Variants in ERLEC1 observed in about 807,000 individuals in gnomAD.
ERLEC1 encodes ER lectin.
ERLEC1 carries 47 observed loss-of-function variants against 68.0 expected under a neutral mutation model. That is an observed-to-expected ratio of 0.69 (90% CI 0.55 to 0.88). The LOEUF is 0.88. Ranked by LOEUF, ERLEC1 falls within the 40% of genes least tolerant of loss-of-function variation. ERLEC1 has a pLI of 0.00. For synonymous variants in ERLEC1, 225 were observed against 203.2 expected (o/e 1.11, Z -0.91); for missense variants, 567 against 583.8 (o/e 0.97, Z 0.30).
intron 3 of ERLEC1, 97 bp downstream of exon 3, chr2:53,796,110 G>GTT: frequency 1.2e-4 from 73 of 634,116 alleles, no homozygotes; most frequent in East Asian, 1.4e-4. Context: ...GTTGTGTCAG[G>GTT]TTTTTTTTTT....
chr2:53,787,375 C>T lies in ERLEC1; in HGVS notation c.162+3C>T, dbSNP rs1675102645. On this transcript the variant is annotated splice_donor_region_variant and intron_variant, in intron 1 of 13. Transcript: ENST00000185150. ...GGCCCGGCACCGAGTTCTCTCTGGT[C>T]AGTGCCCTCACTAACCCCGCAGCCA... 2 of 1,607,856 alleles carry T rather than the reference C, an allele frequency of 1.2e-6. No individual in the cohort carries two copies. Among genetic ancestry groups the T allele is most frequent in the African/African-American group, 1.3e-5 (1 of 74,984 alleles).
At chr2:53,800,134 T>C (rs1414779981) in intron 6 of ERLEC1, among the ~76,000 whole-genome samples, 1 of 152,178 alleles carries the variant, frequency 6.6e-6, no homozygotes, top group Non-Finnish European at 1.5e-5. Context: ...TACGTGATTT[T>C]ATCATTGTGC....
At chr2:53,808,765 A>C (rs1178079681) in intron 9 of ERLEC1, among the ~76,000 whole-genome samples, 1 of 152,192 alleles carries the variant, frequency 6.6e-6, no homozygotes, top group African/African-American at 2.4e-5. Flanking sequence ...GTTATGTAGC[A>C]ATCACATTTC....
chr2:53,802,685 C>G (rs1412692067), intron 8 of ERLEC1, among the ~76,000 whole-genome samples: 1 of 152,112 alleles, frequency 6.6e-6, no homozygotes, highest in African/African-American at 2.4e-5. Flanking sequence ...CTGATTTCAG[C>G]CTCATCTTTC....
At chr2:53,791,422 A>G (rs1051921440) in intron 1 of ERLEC1, among the ~76,000 whole-genome samples, 4 of 152,154 alleles carry the variant, frequency 2.6e-5, no homozygotes, top group African/African-American at 9.7e-5. Context: ...AATTTATTAT[A>G]TTTTGTTTTC....
At chr2:53,806,910 T>A (rs1488595818) in intron 8 of ERLEC1, among the ~76,000 whole-genome samples, 3 of 152,206 alleles carry the variant, frequency 2.0e-5, no homozygotes, top group African/African-American at 7.2e-5. Context: ...TTTTAACCTC[T>A]TTAATAATAA....
chr2:53,809,105 A>G (rs1676453043), intron 9 of ERLEC1, 109 bp from the exon 10 acceptor site: 2 of 746,830 alleles, frequency 2.7e-6, no homozygotes, highest in Non-Finnish European at 4.5e-6. Flanking sequence ...CAACCATACT[A>G]TTGCTTTTAC....
intron 8 of ERLEC1, among the ~76,000 whole-genome samples, chr2:53,804,335 G>A (rs565468102): frequency 1.4e-4 from 22 of 151,868 alleles, no homozygotes; most frequent in Admixed American, 2.0e-4. Context: ...TCACTGTGGC[G>A]CAATCTTGGC....
Position 53,801,396 on chromosome 2 carries a change from G to T in ERLEC1, c.526-1G>T. On this transcript the variant is annotated splice_acceptor_variant, in intron 6 of 13. Coordinates refer to ENST00000185150, the MANE Select transcript of ERLEC1 (RefSeq NM_015701.5). LOFTEE classifies it high-confidence loss of function. Reference sequence around the variant, plus strand: ...TCTGTCTTATACTCTTTTTTTTTAAGATTCCCACTAAAAATATCGAAGGTC... The same window carrying T: ...TCTGTCTTATACTCTTTTTTTTTAATATTCCCACTAAAAATATCGAAGGTC... The T allele has an allele frequency of 6.2e-7, 1 of 1,605,348 alleles. No individual in the cohort carries two copies. Among genetic ancestry groups the T allele is most frequent in the Non-Finnish European group, 8.5e-7 (1 of 1,175,734 alleles).
chr2:53,801,161 T>G (rs927285399), intron 6 of ERLEC1, among the ~76,000 whole-genome samples: 8 of 152,192 alleles, frequency 5.3e-5, no homozygotes, highest in African/African-American at 1.9e-4. Flanking sequence ...ATGTTAATTT[T>G]GGCACTAAAT....
intron 1 of ERLEC1, among the ~76,000 whole-genome samples, chr2:53,791,303 G>C (rs1398205817): frequency 1.3e-5 from 2 of 152,074 alleles, no homozygotes; most frequent in African/African-American, 4.8e-5. Flanking sequence ...GACTTTGTCA[G>C]ATCTCTAATA....
chr2:53,798,505 C>G (rs544948560), intron 5 of ERLEC1, among the ~76,000 whole-genome samples: 1 of 152,032 alleles, frequency 6.6e-6, no homozygotes, highest in East Asian at 2.0e-4. Context: ...GGCGATCCCC[C>G]TACCCAAACC....
chr2:53,787,122 GCC>G lies in ERLEC1; in HGVS notation c.-88_-87del. 53 of 1,359,708 alleles carry G rather than the reference GCC, an allele frequency of 3.9e-5. No individual in the cohort carries two copies. Among genetic ancestry groups the G allele is most frequent in the Non-Finnish European group, 4.3e-5 (45 of 1,042,370 alleles). The allele number at this position is 1,359,708 out of a possible 1,614,324, so 84.2% of individuals were successfully genotyped here. A position where few individuals can be genotyped will look rare whatever the true frequency, so the allele number is the denominator to read the frequency against. ...TGATACCCGGGCGCTTTATAGTCCC[GCC>G]GCCTCCTCCTCCACCTCCTCCTCCT... On this transcript the variant is annotated 5_prime_UTR_variant, in exon 1 of 14. Transcript: ENST00000185150.
intron 10 of ERLEC1, among the ~76,000 whole-genome samples, chr2:53,812,293 C>T (rs1676632698): frequency 6.6e-6 from 1 of 151,452 alleles, no homozygotes; most frequent in South Asian, 2.1e-4. Context: ...AAGAAAGAAA[C>T]CAAAGGAATG....
At chr2:53,798,631 T>G (rs979515103) in intron 5 of ERLEC1, among the ~76,000 whole-genome samples, 4 of 151,702 alleles carry the variant, frequency 2.6e-5, no homozygotes, top group Admixed American at 2.0e-4. Flanking sequence ...GTGAAAACAA[T>G]GCCAGGTGCA....
At position 53,787,166 on chromosome 2, in the gene ERLEC1, A is replaced by G. The variant is rs10181752; in HGVS notation, c.-45A>G. Reference sequence around the variant, plus strand: ...CCTCCTCCTCCTCCTCTCCTCCTGGAGCAGAGGAGGTTGTGGCGGTGGCTG... The same window carrying G: ...CCTCCTCCTCCTCCTCTCCTCCTGGGGCAGAGGAGGTTGTGGCGGTGGCTG... On this transcript the variant is annotated 5_prime_UTR_variant, in exon 1 of 14. Transcript: ENST00000185150. 194,152 of 1,386,884 alleles carry G rather than the reference A, an allele frequency of 0.14. 13,223 individuals are homozygous for G. The highest frequency in any genetic ancestry group is 0.28 in the African/African-American group (19,333 of 70,104). The allele number at this position is 1,386,884 out of a possible 1,614,324, so 85.9% of individuals were successfully genotyped here. A position where few individuals can be genotyped will look rare whatever the true frequency, so the allele number is the denominator to read the frequency against.
chr2:53,790,121 T>G (rs1188949797), intron 1 of ERLEC1, among the ~76,000 whole-genome samples: 1 of 150,832 alleles, frequency 6.6e-6, no homozygotes, highest in Non-Finnish European at 1.5e-5. Flanking sequence ...TGTGACAGAG[T>G]CTCGCTCTGT....
chr2:53,813,050 A>G lies in ERLEC1; in HGVS notation c.1203A>G (p.Gln401=), dbSNP rs1271185813. 2.5e-6 allele frequency: 4 copies of G among 1,612,368 alleles called. No individual in the cohort carries two copies. The highest frequency in any genetic ancestry group is 3.4e-6 in the Non-Finnish European group (4 of 1,179,740). ...ATACTGCTAGAGCTTATCATCTTCA[A>G]GACGATGGTACCCAGACAGTCAGGT... ...KKNTARAYHL[Q]DDGTQTVRMV... Residue 401 remains glutamine (Q), a synonymous_variant, in exon 11 of 14, where the codon CAA becomes CAG. Coordinates refer to ENST00000185150, the MANE Select transcript of ERLEC1 (RefSeq NM_015701.5).
At chr2:53,791,354 T>C (rs1349296049) in intron 1 of ERLEC1, among the ~76,000 whole-genome samples, 3 of 152,250 alleles carry the variant, frequency 2.0e-5, no homozygotes, top group African/African-American at 7.2e-5. Context: ...CCTCTTCCAC[T>C]GAAAATACCT....
Sources: allele counts gnomAD v4.1 joint callset (sites outside exome capture counted in the v4.1 genomes callset), GRCh38; gene constraint gnomAD v4.1.1; transcripts MANE v1.5; gene names NCBI Gene and HGNC (gene_info 2026-07-23, HGNC 2026-07-21).